Variants in MALRD1 observed in about 807,000 individuals in gnomAD.
The protein encoded by MALRD1 is MAM and LDL receptor class A domain containing 1.
In MALRD1, 247 loss-of-function variants were observed where a neutral mutation model predicts 242.1. The ratio of observed to expected loss-of-function variants is 1.02; its 90% confidence interval spans 0.92 to 1.13. MALRD1 has a LOEUF of 1.13. Ranked by LOEUF, MALRD1 falls within the 50% of genes most tolerant of loss-of-function variation. MALRD1 has a pLI of 0.00. For missense variants in MALRD1, 2,989 were observed against 2,533.1 expected (o/e 1.18, Z -3.86); for synonymous variants, 995 against 866.6 (o/e 1.15, Z -2.60).
intron 38 of MALRD1, among the ~76,000 whole-genome samples, chr10:19,698,743 A>T (rs1308370744): frequency 6.6e-6 from 1 of 152,182 alleles, no homozygotes; most frequent in African/African-American, 2.4e-5. Flanking sequence ...GAGAGTAAAG[A>T]AAACGTTGCT....
rs148590906 is a variant in MALRD1 at position 19,403,743 on chromosome 10, G to A, written c.4845+14134G>A. Among the ~76,000 whole-genome samples, 420 of 152,064 alleles carry A rather than the reference G, an allele frequency of 2.8e-3. 4 individuals are homozygous for A. Among genetic ancestry groups the A allele is most frequent in the African/African-American group, 9.5e-3 (396 of 41,496 alleles). Reference sequence around the variant, plus strand: ...TGGGGGTCATTCAGCAAATAAAATCGTACCAAAGTTAGAGCTGCATATGGC... The same window carrying A: ...TGGGGGTCATTCAGCAAATAAAATCATACCAAAGTTAGAGCTGCATATGGC... On this transcript the variant is annotated intron_variant, in intron 28 of 39. Transcript: ENST00000454679.
At chr10:19,715,667 A>C (rs983070953) in intron 38 of MALRD1, among the ~76,000 whole-genome samples, 1 of 152,238 alleles carries the variant, frequency 6.6e-6, no homozygotes, top group Non-Finnish European at 1.5e-5. Context: ...TAATTTATAA[A>C]GAAAAGAGAT....
intron 36 of MALRD1, among the ~76,000 whole-genome samples, chr10:19,639,992 CT>C (rs1197706129): frequency 1.3e-5 from 2 of 152,196 alleles, no homozygotes; most frequent in Admixed American, 6.5e-5. Flanking sequence ...GGTCAAGTCA[CT>C]TTCTTTCCCC....
intron 29 of MALRD1, among the ~76,000 whole-genome samples, chr10:19,486,824 C>T (rs1006470767): frequency 4.6e-5 from 7 of 151,978 alleles, no homozygotes; most frequent in African/African-American, 1.5e-4. Flanking sequence ...TTTATAGGAT[C>T]GAGGATTTGT....
At chr10:19,374,022 T>C (rs1845496681) in intron 26 of MALRD1, among the ~76,000 whole-genome samples, 1 of 152,216 alleles carries the variant, frequency 6.6e-6, no homozygotes, top group Non-Finnish European at 1.5e-5. Flanking sequence ...CGCTGGGAAA[T>C]TGTTTAAGCG....
At chr10:19,317,309 T>C (rs1418708411) in intron 21 of MALRD1, among the ~76,000 whole-genome samples, 4 of 151,786 alleles carry the variant, frequency 2.6e-5, no homozygotes, top group Non-Finnish European at 5.9e-5. Flanking sequence ...AGTTCTAGGG[T>C]CTCTTTTCTA....
At chr10:19,726,356 G>A (rs1448319145) in intron 38 of MALRD1, among the ~76,000 whole-genome samples, 1 of 152,026 alleles carries the variant, frequency 6.6e-6, no homozygotes, top group Admixed American at 6.6e-5. Flanking sequence ...AACATCACTA[G>A]TCATTAGGGA....
At chr10:19,385,582 A>T (rs1045836493) in intron 26 of MALRD1, among the ~76,000 whole-genome samples, 5 of 152,028 alleles carry the variant, frequency 3.3e-5, no homozygotes, top group Non-Finnish European at 5.9e-5. Flanking sequence ...AATCAGTTGT[A>T]TTAACTCCTC....
intron 1 of MALRD1, 150 bp downstream of exon 1, chr10:19,049,287 T>G (rs757313557): frequency 1.2e-5 from 6 of 485,204 alleles, no homozygotes; most frequent in Non-Finnish European, 1.9e-5. Flanking sequence ...TAAGATATAT[T>G]GTTTACTAAA....
intron 21 of MALRD1, among the ~76,000 whole-genome samples, chr10:19,313,886 T>A (rs1842533005): frequency 6.6e-6 from 1 of 151,578 alleles, no homozygotes; most frequent in Non-Finnish European, 1.5e-5. Flanking sequence ...TTTTAGTTGG[T>A]TAAACCCTAG....
In MALRD1 at chr10:19,443,921, T is replaced by G. The variant is rs543521790; in HGVS notation, c.4846-6386T>G. 1.1e-4 allele frequency among the ~76,000 whole-genome samples: 17 copies of G among 150,880 alleles called. No individual in the cohort carries two copies. In the South Asian group the frequency reaches 3.5e-3, roughly 31 times the overall value. On this transcript the variant is annotated intron_variant, in intron 28 of 39. Transcript: ENST00000454679. ...GATCTGTCTAATGTTGACAGTGGGA[T>G]GTTATTATTGTGTGGGAGTCTAAGT...
rs191418020 is a variant in MALRD1, at chr10:19,697,395, C to T, written c.6314+4841C>T. 6.1e-3 allele frequency among the ~76,000 whole-genome samples: 933 copies of T among 152,102 alleles called. 4 individuals are homozygous for T. Among genetic ancestry groups the T allele is most frequent in the South Asian group, 0.012 (59 of 4,800 alleles). On this transcript the variant is annotated intron_variant, in intron 38 of 39. Transcript: ENST00000454679. ...CAGTCTGCGCTTGAGCCCCCGCCCC[C>T]GCCCCCATTATGGAGGGCCATGTGC...
At chr10:19,373,522 AAAAG>A (rs890566103) in intron 26 of MALRD1, among the ~76,000 whole-genome samples, 2 of 152,142 alleles carry the variant, frequency 1.3e-5, no homozygotes, top group East Asian at 3.9e-4. Context: ...TCTGTCAAAA[AAAAG>A]AAAGAAAGAA....
intron 32 of MALRD1, among the ~76,000 whole-genome samples, chr10:19,545,565 AT>A (rs1835173826): frequency 2.0e-5 from 3 of 151,108 alleles, no homozygotes; most frequent in Non-Finnish European, 4.4e-5. Flanking sequence ...CTGTCTGATT[AT>A]TTCTCCTTCA....
At chr10:19,104,444 T>A (rs577199313) in intron 5 of MALRD1, among the ~76,000 whole-genome samples, 1 of 152,320 alleles carries the variant, frequency 6.6e-6, no homozygotes, top group African/African-American at 2.4e-5. Context: ...TTGATTATTC[T>A]GCTGAAAGAT....
chr10:19,693,079 ATTATAAGAGCTATT>A (rs1195115010), intron 38 of MALRD1, among the ~76,000 whole-genome samples: 2 of 151,930 alleles, frequency 1.3e-5, no homozygotes, highest in East Asian at 3.9e-4. Context: ...ATATCTCAAA[ATTATAAGAGCTATT>A]TATGACAAAC....
chr10:19,534,001 G>T lies in MALRD1; in HGVS notation c.5478+2650G>T, dbSNP rs374195469. Among the ~76,000 whole-genome samples the T allele has an allele frequency of 8.4e-4, 128 of 152,174 alleles. 1 individual carries two copies. The South Asian group carries it at 0.026, about 31-fold the overall frequency. On this transcript the variant is annotated intron_variant, in intron 32 of 39. Transcript: ENST00000454679. ...AACATAGACTAGGCTTGGGGCTGTT[G>T]GTAGCCATCTTTCCCCACAAAGGGA...
chr10:19,101,424 A>G (rs1836248327), intron 4 of MALRD1, among the ~76,000 whole-genome samples: 2 of 141,096 alleles, frequency 1.4e-5, no homozygotes, highest in East Asian at 4.0e-4. Context: ...ATATTATAAT[A>G]ATATATAATA....
chr10:19,338,229 TC>T (rs1843694901), intron 24 of MALRD1, among the ~76,000 whole-genome samples: 2 of 152,010 alleles, frequency 1.3e-5, no homozygotes, highest in Non-Finnish European at 2.9e-5. Context: ...TGCTGTATGT[TC>T]TGTGGGTTTA....
Sources: allele counts gnomAD v4.1 joint callset (sites outside exome capture counted in the v4.1 genomes callset), GRCh38; gene constraint gnomAD v4.1.1; transcripts MANE v1.5; gene names NCBI Gene and HGNC (gene_info 2026-07-23, HGNC 2026-07-21).